The following ABCC1 variants were observed in gnomAD, a reference collection of about 807,000 sequenced individuals.
ABCC1 encodes ATP binding cassette subfamily C member 1 (ABCC1 blood group).
ABCC1 carries 83 observed loss-of-function variants against 172.9 expected under a neutral mutation model. The observed-to-expected ratio is 0.48, with a 90% CI of 0.40 to 0.58. The LOEUF (loss-of-function observed/expected upper bound fraction) is 0.58, where lower values mean the gene tolerates loss of function less well. ABCC1 is among the 20% of genes least tolerant of loss of function. The pLI, the probability that ABCC1 is intolerant of heterozygous loss-of-function variation, is 0.00. For synonymous variants in ABCC1, 937 were observed against 825.2 expected (o/e 1.14, Z -2.32); for missense variants, 1,817 against 2,002.7 (o/e 0.91, Z 1.77).
intron 15 of ABCC1, 104 bp from the exon 16 acceptor site, chr16:16,079,248 T>G (rs1304884296): frequency 7.9e-6 from 12 of 1,521,804 alleles, no homozygotes; most frequent in South Asian, 1.2e-5. Context: ...GCCTTCTGTC[T>G]TTCTCTTTCT....
At position 16,115,038 on chromosome 16, in the gene ABCC1, A is replaced by G; in HGVS notation, c.3352A>G (p.Ile1118Val). The change falls in exon 23 of 31, where the codon ATC (isoleucine) becomes GTC (valine). Residue 1118 changes from isoleucine (I) to valine (V), a missense_variant. Around this residue, in one of 3 missense-constraint regions of ABCC1, gnomAD observed 1,412 missense variants for 1,600.3 expected, o/e 0.88. Transcript: ENST00000399410. ...GCTGGCCACGCCCATCGCCGCCATC[A>G]TCATCCCGCCCCTTGGCCTCATCTA... The part of the protein sequence containing the change: ...ILLATPIAAI[I>V]IPPLGLIYFF... The G allele has an allele frequency of 6.2e-7, 1 of 1,614,202 alleles. No individual in the cohort carries two copies. The highest frequency in any genetic ancestry group is 8.5e-7 in the Non-Finnish European group (1 of 1,180,030).
chr16:16,082,442 A>G (rs2050841323), intron 16 of ABCC1, among the ~76,000 whole-genome samples: 1 of 152,206 alleles, frequency 6.6e-6, no homozygotes, highest in Non-Finnish European at 1.5e-5. Context: ...TATATAGAGA[A>G]TTAACTACCT....
chr16:15,968,365 T>A (rs1441125324), intron 1 of ABCC1, among the ~76,000 whole-genome samples: 3 of 152,012 alleles, frequency 2.0e-5, no homozygotes, highest in African/African-American at 7.2e-5. Flanking sequence ...GGCAGGTTGA[T>A]GTTTTTAATT....
At position 16,113,878 on chromosome 16, in the gene ABCC1, C is replaced by T. The variant is rs761214100; in HGVS notation, c.3080-888C>T. ...GCATTAGTTAGATTATCAGAAGAAG[C>T]GCACAGTCTAGGTCCCTTGCATGCA... is the stretch of plus-strand genomic sequence containing the variant. On this transcript the variant is annotated intron_variant, in intron 22 of 30. Coordinates refer to ENST00000399410, the MANE Select transcript of ABCC1 (RefSeq NM_004996.4). Among the ~76,000 whole-genome samples the T allele has an allele frequency of 3.3e-5, 5 of 152,116 alleles. No homozygotes were observed. The East Asian group carries it at 5.8e-4, about 18-fold the overall frequency.
intron 3 of ABCC1, among the ~76,000 whole-genome samples, chr16:16,013,235 C>T (rs192032361): frequency 6.6e-6 from 1 of 151,546 alleles, no homozygotes; most frequent in East Asian, 1.9e-4. Flanking sequence ...GATATGCAGG[C>T]ACTGGTAATA....
intron 5 of ABCC1, among the ~76,000 whole-genome samples, chr16:16,018,394 C>A (rs969305485): frequency 6.6e-6 from 1 of 152,016 alleles, no homozygotes; most frequent in Non-Finnish European, 1.5e-5. Context: ...GCTAAAAATA[C>A]AAAAATTAGC....
intron 1 of ABCC1, among the ~76,000 whole-genome samples, chr16:15,980,463 C>T (rs1276694698): frequency 6.6e-6 from 1 of 152,074 alleles, no homozygotes; most frequent in Non-Finnish European, 1.5e-5. Context: ...ATACTCACAG[C>T]AGAAAGGGAA....
chr16:16,070,107 C>T (rs1228934509), intron 13 of ABCC1, among the ~76,000 whole-genome samples: 3 of 152,070 alleles, frequency 2.0e-5, no homozygotes, highest in African/African-American at 4.8e-5. Context: ...TTTGGCTGGG[C>T]GCAGTGGCTC....
chr16:16,101,124 C>G (rs893524968), intron 19 of ABCC1, among the ~76,000 whole-genome samples: 1 of 151,868 alleles, frequency 6.6e-6, no homozygotes, highest in African/African-American at 2.4e-5. Context: ...CTCCGCCTCC[C>G]GGGTTCAAGC....
At chr16:16,125,510 C>T (rs1383633206) in intron 25 of ABCC1, among the ~76,000 whole-genome samples, 1 of 151,690 alleles carries the variant, frequency 6.6e-6, no homozygotes, top group Admixed American at 6.6e-5. Context: ...CTCACTGCAA[C>T]CTCTGCCTCC....
At chr16:16,062,403 G>A (rs748530990) in intron 12 of ABCC1, among the ~76,000 whole-genome samples, 1 of 152,068 alleles carries the variant, frequency 6.6e-6, no homozygotes, top group East Asian at 1.9e-4. Context: ...CTGGAGTACA[G>A]TGGCTTGATC....
rs575766385 is a variant in ABCC1, at chr16:15,991,984, C to T, written c.49-15832C>T. 2.5e-4 allele frequency among the ~76,000 whole-genome samples: 38 copies of T among 152,186 alleles called. No individual in the cohort carries two copies. In the East Asian group the frequency reaches 7.2e-3, roughly 29 times the overall value. ...CACACAGCAGGAGGTGAGTGGCAGG[C>T]GAGCGTGTGAGACTTCATCTGTATT... is the stretch of plus-strand genomic sequence containing the variant. On this transcript the variant is annotated intron_variant, in intron 1 of 30. Transcript: ENST00000399410.
chr16:16,110,641 G>T (rs2052345445), intron 21 of ABCC1, among the ~76,000 whole-genome samples: 1 of 152,000 alleles, frequency 6.6e-6, no homozygotes, highest in African/African-American at 2.4e-5. Flanking sequence ...CACCCGCCTC[G>T]GCCTACCGAC....
chr16:16,017,520 A>G (rs767899461), intron 5 of ABCC1, among the ~76,000 whole-genome samples: 9 of 152,092 alleles, frequency 5.9e-5, no homozygotes, highest in Admixed American at 2.0e-4. Context: ...ATCATCTAGG[A>G]ATCAAGCCCA....
intron 1 of ABCC1, among the ~76,000 whole-genome samples, chr16:15,951,397 T>A (rs993781027): frequency 1.3e-5 from 2 of 152,172 alleles, no homozygotes; most frequent in African/African-American, 4.8e-5. Flanking sequence ...TTTTTTAAAA[T>A]TTTTATTTTC....
At chr16:15,953,241 CAGG>C (rs2045917819) in intron 1 of ABCC1, among the ~76,000 whole-genome samples, 1 of 151,712 alleles carries the variant, frequency 6.6e-6, no homozygotes, top group African/African-American at 2.4e-5. Flanking sequence ...GAGGCTGAGG[CAGG>C]AGAATTGCTT....
Position 16,009,907 on chromosome 16 carries a change from T to C in ABCC1, c.351+6T>C, listed in dbSNP as rs765241196. Reference sequence around the variant, plus strand: ...CTCTCTTGGGCATCACCATGGTAAGTAGGAGCTGGCTGTGACCCCTGGGCC... The same window carrying C: ...CTCTCTTGGGCATCACCATGGTAAGCAGGAGCTGGCTGTGACCCCTGGGCC... On this transcript the variant is annotated splice_donor_region_variant and intron_variant, in intron 3 of 30. Coordinates refer to ENST00000399410, the MANE Select transcript of ABCC1 (RefSeq NM_004996.4). 1.3e-5 allele frequency: 20 copies of C among 1,594,560 alleles called. No homozygotes were observed. The East Asian group carries it at 4.6e-4, about 37-fold the overall frequency.
Position 16,136,618 on chromosome 16 carries a change from A to G in ABCC1, c.4266A>G (p.Glu1422=), listed in dbSNP as rs2152165294. Residue 1422 remains glutamate (E), a synonymous_variant, in exon 29 of 31, where the codon GAA becomes GAG. Transcript: ENST00000399410. ...CCCTTCCTGACAAGCTAGACCATGA[A>G]TGTGCAGAAGGCGGGGAGAACCTCA... ...VSALPDKLDH[E]CAEGGENLSV... The G allele has an allele frequency of 1.2e-6, 2 of 1,614,108 alleles. No individual in the cohort carries two copies. Among genetic ancestry groups the G allele is most frequent in the South Asian group, 1.1e-5 (1 of 91,058 alleles).
Position 16,124,799 on chromosome 16 carries a change from G to T in ABCC1, c.3601G>T (p.Val1201Leu), listed in dbSNP as rs560033743. ...PSIVANRWLA[V>L]RLECVGNCIV... is the part of the protein sequence containing the mutation. ...TGTGTCTTGGCGCAGGTGGCTGGCC[G>T]TGCGGCTGGAGTGTGTGGGCAACTG... The change falls in exon 25 of 31, where the codon GTG becomes TTG. Residue 1201 changes from valine (V) to leucine (L), a missense_variant. Val to Leu is a conservative substitution (Grantham distance 32). Coordinates refer to ENST00000399410, the MANE Select transcript of ABCC1 (RefSeq NM_004996.4). 1.2e-6 allele frequency: 2 copies of T among 1,614,094 alleles called. No individual in the cohort carries two copies. The highest frequency in any genetic ancestry group is 1.7e-6 in the Non-Finnish European group (2 of 1,180,022).
Sources: gnomAD v4.1 joint callset for allele counts (sites outside exome capture counted in the v4.1 genomes callset) on GRCh38, gnomAD v4.1.1 for gene constraint, gnomAD v4.1.1 regional missense constraint, MANE v1.5 for transcripts, NCBI Gene and HGNC (gene_info 2026-07-23, HGNC 2026-07-21) for gene names.